ATAD3B: variants seen among roughly 807,000 people sequenced by gnomAD.
ATAD3B encodes the protein ATPase family AAA domain-containing protein 3B.
ATAD3B carries 59 observed loss-of-function variants against 70.2 expected under a neutral mutation model. The observed-to-expected ratio is 0.84, with a 90% CI of 0.68 to 1.04. The LOEUF is 1.04. Among genes scored for constraint, ATAD3B ranks in the 50% least tolerant of loss-of-function variants. The probability of loss-of-function intolerance (pLI) is 0.00; values close to 1 mark genes in which losing one functional copy is unlikely to be tolerated. For synonymous variants in ATAD3B, 423 were observed against 388.6 expected (o/e 1.09, Z -1.04); for missense variants, 961 against 913.4 (o/e 1.05, Z -0.67).
rs777949818 is a variant in ATAD3B, at chr1:1,487,844, G to A, written c.1215-19G>A. On this transcript the variant is annotated intron_variant, in intron 11 of 15. Transcript: ENST00000673477. Reference sequence around the variant, plus strand: ...CCTGGCGTCACTCTCGCCTTGCTTGGCCTCTCTCTCGTTCACAGCCTCCTG... The same window carrying A: ...CCTGGCGTCACTCTCGCCTTGCTTGACCTCTCTCTCGTTCACAGCCTCCTG... The A allele has an allele frequency of 6.2e-7, 1 of 1,612,336 alleles. No individual in the cohort carries two copies.
At chr1:1,509,273 T>C in the ATAD3B span, 62 of 1,612,816 alleles carry the variant, frequency 3.8e-5, no homozygotes, top group Non-Finnish European at 5.1e-5. Context: ...TGCAAGATGC[T>C]GTCCAGCAGC....
Position 1,479,429 on chromosome 1 carries a change from C to T in ATAD3B, c.444+321C>T, listed in dbSNP as rs1350636294. Among the ~76,000 whole-genome samples the T allele has an allele frequency of 2.8e-5, 4 of 144,076 alleles. No homozygotes were observed. In the South Asian group the frequency reaches 7.0e-4, roughly 25 times the overall value. 94.5% of individuals were successfully genotyped at this position (144,076 alleles called of 152,430 possible). ...ACACCCCTGCACACACGGGCCCACACACTCCCCTGCACACATGGGGAAACA... is the reference window on the plus strand; with the variant it reads ...ACACCCCTGCACACACGGGCCCACATACTCCCCTGCACACATGGGGAAACA... On this transcript the variant is annotated intron_variant, in intron 4 of 15. Coordinates refer to ENST00000673477, the MANE Select transcript of ATAD3B (RefSeq NM_031921.6).
At position 1,490,113 on chromosome 1, in the gene ATAD3B, G is replaced by A. The variant is rs549105780; in HGVS notation, c.1338-144G>A. 1.3e-4 allele frequency: 182 copies of A among 1,441,936 alleles called. 2 individuals are homozygous for A. In the East Asian group the frequency reaches 4.0e-3, roughly 32 times the overall value. 89.3% of individuals were successfully genotyped at this position (1,441,936 alleles called of 1,614,324 possible). ...GGCGGGTGACCAGGGCTGTGGCTGC[G>A]TTCTCCCCATGTTTCCTGTGCTCAC... On this transcript the variant is annotated intron_variant, in intron 13 of 15. Coordinates refer to ENST00000673477, the MANE Select transcript of ATAD3B (RefSeq NM_031921.6).
At chr1:1,506,787 CTTTTT>C in the ATAD3B span, among the ~76,000 whole-genome samples, 2 of 120,052 alleles carry the variant, frequency 1.7e-5, no homozygotes, top group Admixed American at 8.3e-5. Context: ...TTTCTTTTTT[CTTTTT>C]TTTTTTTTTT....
At chr1:1,478,780 G>A (rs558232454) in intron 3 of ATAD3B, 35 bp downstream of exon 3, 30 of 1,448,736 alleles carry the variant, frequency 2.1e-5, no homozygotes, top group African/African-American at 4.6e-5. Flanking sequence ...GAGGCCGCCC[G>A]GCTGCGGGGA....
At chr1:1,500,846 A>G (rs1273670167), downstream of ATAD3B, among the ~76,000 whole-genome samples, 1 of 151,458 alleles carries the variant, frequency 6.6e-6, no homozygotes. Context: ...AGTCCCAGCT[A>G]CTTGGGAGGC....
downstream of ATAD3B, among the ~76,000 whole-genome samples, chr1:1,502,371 C>T (rs867386045): frequency 6.1e-5 from 9 of 148,602 alleles, no homozygotes; most frequent in South Asian, 2.1e-4. Flanking sequence ...CCCACCACCG[C>T]GCCTGGCTAA....
At position 1,477,282 on chromosome 1, in the gene ATAD3B, A is replaced by T. The variant is rs1413208372; in HGVS notation, c.214A>T (p.Lys72Ter). 1 of 1,612,266 alleles carries T rather than the reference A, an allele frequency of 6.2e-7. No homozygotes were observed. Among genetic ancestry groups the T allele is most frequent in the Admixed American group, 1.7e-5 (1 of 59,958 alleles). ...GCCACATGCGCCCGCAGGTTACGCCAAGGAGGCCCTGAATCTGGCGCAGAT... is the reference window on the plus strand; with the variant it reads ...GCCACATGCGCCCGCAGGTTACGCCTAGGAGGCCCTGAATCTGGCGCAGAT... ...ARELEHSRYA[K>*]EALNLAQMQE... The change falls in exon 2 of 16, where the codon AAG becomes TAG. Residue 72 changes from lysine (K) to a stop codon, truncating the protein, a stop_gained. Coordinates refer to ENST00000673477, the MANE Select transcript of ATAD3B (RefSeq NM_031921.6). LOFTEE classifies it high-confidence loss of function.
rs1213340191 is a variant in ATAD3B, at chr1:1,482,566, G to A, written c.702G>A (p.Gly234=). Residue 234 remains glycine, a synonymous_variant, in exon 7 of 16, where the codon GGG becomes GGA. Coordinates refer to ENST00000673477, the MANE Select transcript of ATAD3B (RefSeq NM_031921.6). The part of the protein sequence containing the change: ...ESIRTAGTLF[G]EGFRAFVTDR... ...GCAGGACGGCTGGCACCTTGTTTGG[G>A]GAAGGATTCCGTGCCTTTGTGACAG... 8 of 1,613,380 alleles carry A rather than the reference G, an allele frequency of 5.0e-6. No individual in the cohort carries two copies. In the South Asian group the frequency reaches 5.5e-5, roughly 11 times the overall value.
rs1205467832 is a variant in ATAD3B, at chr1:1,496,611, C to T, written c.*794C>T. ...GGCTGGGTCACTGGGGGCCACAGGC[C>T]ACACTGGGAGACCACAGTCCTGGCA... On this transcript the variant is annotated 3_prime_UTR_variant, in exon 16 of 16. Transcript: ENST00000673477. The T allele has an allele frequency of 6.6e-6, 1 of 152,110 alleles. No individual in the cohort carries two copies. Among genetic ancestry groups the T allele is most frequent in the Non-Finnish European group, 1.5e-5 (1 of 68,164 alleles). The allele number at this position is 152,110 out of a possible 1,614,324, so 9.4% of individuals were successfully genotyped here.
Position 1,490,297 on chromosome 1 carries a change from G to T in ATAD3B, c.1378G>T (p.Asp460Tyr), listed in dbSNP as rs139696347. Residue 460 changes from aspartate (D) to tyrosine (Y), a missense_variant, in exon 14 of 16, where the codon GAC becomes TAC. Asp to Tyr is a radical substitution (Grantham distance 160). Around this residue, in one of 4 missense-constraint regions of ATAD3B, gnomAD observed 417 missense variants for 335.0 expected, o/e 1.24. Coordinates refer to ENST00000673477, the MANE Select transcript of ATAD3B (RefSeq NM_031921.6). ...GGCCAGCAATCTGCCTGAGCAGTTC[G>T]ACTGTGCCATCAACAGCCGCATTGA... ...VLASNLPEQF[D>Y]CAINSRIDVM... 6.2e-7 allele frequency: 1 copy of T among 1,613,122 alleles called. No individual in the cohort carries two copies. The highest frequency in any genetic ancestry group is 8.5e-7 in the Non-Finnish European group (1 of 1,179,690).
chr1:1,507,780 C>T, the ATAD3B span, among the ~76,000 whole-genome samples: 1 of 152,212 alleles, frequency 6.6e-6, no homozygotes, highest in South Asian at 2.1e-4. Flanking sequence ...TGTGAATTCA[C>T]ATGTGAAGAA....
intron 15 of ATAD3B, among the ~76,000 whole-genome samples, chr1:1,494,811 G>A (rs1640701513): frequency 6.6e-6 from 1 of 152,012 alleles, no homozygotes. Context: ...TCCTGAGCAC[G>A]GCACCTAGTG....
At chr1:1,502,533 A>G (rs1386035404), downstream of ATAD3B, among the ~76,000 whole-genome samples, 1 of 90,556 alleles carries the variant, frequency 1.1e-5, no homozygotes, top group African/African-American at 5.0e-5. Context: ...TTTTTTTGAG[A>G]CAGAGTCATG....
chr1:1,482,719 G>T (rs745436828), intron 7 of ATAD3B, 105 bp downstream of exon 7: 9 of 1,566,170 alleles, frequency 5.7e-6, no homozygotes, highest in Non-Finnish European at 7.9e-6. Context: ...CAGCCCTGTA[G>T]CTCTCCCAGC....
intron 1 of ATAD3B, among the ~76,000 whole-genome samples, chr1:1,475,530 C>T (rs548715366): frequency 1.3e-5 from 2 of 152,138 alleles, no homozygotes; most frequent in South Asian, 4.2e-4. Context: ...CACCGACTGC[C>T]TCCTCTGTCC....
chr1:1,491,142 C>T (rs2100593776), intron 15 of ATAD3B, among the ~76,000 whole-genome samples: 1 of 152,030 alleles, frequency 6.6e-6, no homozygotes, highest in South Asian at 2.1e-4. Context: ...CCGATTGTCC[C>T]ACAGTTAGTT....
chr1:1,480,958 C>G (rs758371333), intron 5 of ATAD3B, 22 bp downstream of exon 5: 1 of 1,588,340 alleles, frequency 6.3e-7, no homozygotes, highest in South Asian at 1.1e-5. Context: ...GCTCTCCTGG[C>G]TGGGGCGGAG....
chr1:1,486,178 G>T lies in ATAD3B; in HGVS notation c.1032G>T (p.Leu344=), dbSNP rs769896583. The T allele has an allele frequency of 1.2e-6, 2 of 1,613,158 alleles. No individual in the cohort carries two copies. Among genetic ancestry groups the T allele is most frequent in the Non-Finnish European group, 1.7e-6 (2 of 1,179,674 alleles). The part of the protein sequence containing the change: ...ATRNTKKNRG[L]YRHILLYGPP... Reference sequence around the variant, plus strand: ...GGAACACCAAGAAGAACCGGGGCCTGTACAGGCACATCCTGCTGTATGGGC... The same window carrying T: ...GGAACACCAAGAAGAACCGGGGCCTTTACAGGCACATCCTGCTGTATGGGC... Residue 344 remains leucine (L), a synonymous_variant, in exon 10 of 16, where the codon CTG becomes CTT. Coordinates refer to ENST00000673477, the MANE Select transcript of ATAD3B (RefSeq NM_031921.6).
Sources: gnomAD v4.1 joint callset for allele counts (sites outside exome capture counted in the v4.1 genomes callset) on GRCh38, gnomAD v4.1.1 for gene constraint, gnomAD v4.1.1 regional missense constraint, MANE v1.5 for transcripts, NCBI Gene and HGNC (gene_info 2026-07-23, HGNC 2026-07-21) for gene names.